The following CCDC149 variants were observed in gnomAD, a reference collection of about 807,000 sequenced individuals.
The protein encoded by CCDC149 is coiled-coil domain containing 149.
CCDC149 carries 45 observed loss-of-function variants against 59.9 expected under a neutral mutation model. The observed-to-expected ratio is 0.75, with a 90% confidence interval of 0.59 to 0.96. The LOEUF is 0.96. CCDC149 is among the 40% of genes least tolerant of loss of function. The probability of loss-of-function intolerance (pLI) is 0.00; values close to 1 mark genes in which losing one functional copy is unlikely to be tolerated. For synonymous variants in CCDC149, 245 were observed against 260.6 expected (o/e 0.94, Z 0.58); for missense variants, 584 against 664.7 (o/e 0.88, Z 1.33).
chr4:24,893,852 C>T (rs142751762), intron 1 of CCDC149, among the ~76,000 whole-genome samples: 3,559 of 151,864 alleles, frequency 0.023, 145 homozygotes, highest in African/African-American at 0.081. Flanking sequence ...GTGATCCGCC[C>T]GCCTCGGCCT....
intron 3 of CCDC149, among the ~76,000 whole-genome samples, chr4:24,866,813 ACACACACACC>A (rs1560225988): frequency 2.3e-5 from 2 of 85,548 alleles, no homozygotes; most frequent in Non-Finnish European, 4.5e-5. Flanking sequence ...AAATATACAC[ACACACACACC>A]CACACACACA....
intron 10 of CCDC149, among the ~76,000 whole-genome samples, chr4:24,821,814 A>G (rs1715419294): frequency 6.6e-6 from 1 of 152,218 alleles, no homozygotes; most frequent in Non-Finnish European, 1.5e-5. Flanking sequence ...GTATTTTACC[A>G]AGACAAGTGG....
chr4:24,868,441 T>C (rs1175426297), intron 3 of CCDC149, among the ~76,000 whole-genome samples: 1 of 152,222 alleles, frequency 6.6e-6, no homozygotes, highest in African/African-American at 2.4e-5. Context: ...CCCCACTTGT[T>C]TACCCATTAA....
At chr4:24,877,101 C>T (rs73250612) in intron 1 of CCDC149, among the ~76,000 whole-genome samples, 11,769 of 151,596 alleles carry the variant, frequency 0.078, 467 homozygotes, top group Middle Eastern at 0.096. Flanking sequence ...AATTATTTAC[C>T]CAGGTTTCAA....
intron 1 of CCDC149, among the ~76,000 whole-genome samples, chr4:24,943,852 AC>A (rs1328924549): frequency 3.9e-5 from 6 of 152,182 alleles, no homozygotes; most frequent in Admixed American, 3.9e-4. Flanking sequence ...GCAAATCAAA[AC>A]CACAATGAGA....
chr4:24,881,655 G>T (rs547023245), intron 1 of CCDC149, among the ~76,000 whole-genome samples: 2 of 152,170 alleles, frequency 1.3e-5, no homozygotes, highest in East Asian at 1.9e-4. Context: ...GGACTGTCTG[G>T]GGGGGAGAAA....
At chr4:24,897,249 C>T (rs1352846045) in intron 1 of CCDC149, among the ~76,000 whole-genome samples, 3 of 152,106 alleles carry the variant, frequency 2.0e-5, no homozygotes, top group Non-Finnish European at 4.4e-5. Flanking sequence ...TGATCAAAGG[C>T]TGGGTGTGTG....
Position 24,823,181 on chromosome 4 carries a change from G to T in CCDC149, c.966-608C>A, listed in dbSNP as rs529918118. The T allele has an allele frequency of 3.3e-5, 5 of 152,212 alleles. No individual in the cohort carries two copies. In the South Asian group the frequency reaches 1.0e-3, roughly 32 times the overall value. 9.4% of individuals were successfully genotyped at this position (152,212 alleles called of 1,614,324 possible). On this transcript the variant is annotated intron_variant, in intron 9 of 12. Coordinates refer to ENST00000635206, the MANE Select transcript of CCDC149 (RefSeq NM_001330643.2). The stretch of plus-strand genomic sequence containing the variant: ...TTTCTTTTTTCATGACTCATAATTA[G>T]CTATGGGAAGAATGAAAAGAGATAT...
intron 1 of CCDC149, among the ~76,000 whole-genome samples, chr4:24,925,127 T>G (rs1244040440): frequency 1.3e-5 from 2 of 152,196 alleles, no homozygotes; most frequent in African/African-American, 4.8e-5. Flanking sequence ...ATTAGTTCTC[T>G]GTCCCTTATG....
intron 1 of CCDC149, among the ~76,000 whole-genome samples, chr4:24,921,652 C>T (rs191157149): frequency 8.8e-4 from 134 of 152,338 alleles, no homozygotes; most frequent in Middle Eastern, 3.4e-3. Context: ...TGCCATCACC[C>T]GCCAGCGCCC....
chr4:24,849,527 G>A (rs761688893), intron 4 of CCDC149, among the ~76,000 whole-genome samples: 1 of 152,130 alleles, frequency 6.6e-6, no homozygotes. Flanking sequence ...GCACAAGAAC[G>A]CTGCCCCCTG....
chr4:24,893,613 C>CTTTTTTTTTTTTCTTTTT (rs1720658223), intron 1 of CCDC149, among the ~76,000 whole-genome samples: 1 of 65,876 alleles, frequency 1.5e-5, no homozygotes, highest in Non-Finnish European at 2.6e-5. Flanking sequence ...AAAATACAGA[C>CTTTTTTTTTTTTCTTTTT]TTTTTTTTTT....
chr4:24,900,726 C>T (rs1490559223), intron 1 of CCDC149, among the ~76,000 whole-genome samples: 2 of 152,168 alleles, frequency 1.3e-5, no homozygotes, highest in East Asian at 1.9e-4. Flanking sequence ...GGCAACAGGA[C>T]GAAGAGCTCA....
chr4:24,809,804 T>C (rs1420565488), intron 12 of CCDC149, among the ~76,000 whole-genome samples: 1 of 152,198 alleles, frequency 6.6e-6, no homozygotes, highest in African/African-American at 2.4e-5. Flanking sequence ...AGCAGAACCC[T>C]GCTGTAGTGG....
chr4:24,834,729 C>T (rs890307293), intron 8 of CCDC149, among the ~76,000 whole-genome samples: 8 of 152,232 alleles, frequency 5.3e-5, no homozygotes, highest in Non-Finnish European at 1.0e-4. Context: ...TCAAGTCGTA[C>T]TCCAGACCTA....
chr4:24,811,834 A>G lies in CCDC149; in HGVS notation c.1193-3015T>C, dbSNP rs139216780. On this transcript the variant is annotated intron_variant, in intron 12 of 12. Transcript: ENST00000635206. ...GTTGCAGTGAGCTGAGATTGTGTCA[A>G]TGCACTCCAGCCTGGGCTACAGAGT... Among the ~76,000 whole-genome samples the G allele has an allele frequency of 6.0e-3, 904 of 151,660 alleles. 14 individuals carry two copies. Among genetic ancestry groups the G allele is most frequent in the African/African-American group, 0.02 (828 of 41,206 alleles).
chr4:24,920,328 G>A (rs1369285277), intron 1 of CCDC149, among the ~76,000 whole-genome samples: 1 of 152,204 alleles, frequency 6.6e-6, no homozygotes, highest in Non-Finnish European at 1.5e-5. Flanking sequence ...CCATTGGCTG[G>A]GAGCTTAGCT....
rs563023694 is a variant in CCDC149, at chr4:24,959,481, G to A, written c.-65+20588C>T. Among the ~76,000 whole-genome samples the A allele has an allele frequency of 3.4e-3, 498 of 148,328 alleles. 1 individual carries two copies. The highest frequency in any genetic ancestry group is 0.012 in the African/African-American group (486 of 39,224). ...TAGTTGGAGTTCCCAAAGGAGAGGA[G>A]GAAGCAGCACAGAAAAAAAAAATTT... is the stretch of plus-strand genomic sequence containing the variant. On this transcript the variant is annotated intron_variant, in intron 1 of 12. Coordinates refer to the CCDC149 transcript ENST00000389609.
At position 24,853,354 on chromosome 4, in the gene CCDC149, C is replaced by G. The variant is rs1256266382; in HGVS notation, c.265-175G>C. On this transcript the variant is annotated intron_variant, in intron 3 of 12. Coordinates refer to ENST00000635206, the MANE Select transcript of CCDC149 (RefSeq NM_001330643.2). ...TGTGAATCACACCACTACAATGGCA[C>G]GCAGGAAAATGAAGTTGGCCATGAA... 12 of 586,856 alleles carry G rather than the reference C, an allele frequency of 2.0e-5. No individual in the cohort carries two copies. In the Admixed American group the frequency reaches 2.4e-4, roughly 12 times the overall value. 36.4% of individuals were successfully genotyped at this position (586,856 alleles called of 1,614,324 possible).
Sources: allele counts gnomAD v4.1 joint callset (sites outside exome capture counted in the v4.1 genomes callset), GRCh38; gene constraint gnomAD v4.1.1; transcripts MANE v1.5; gene names NCBI Gene and HGNC (gene_info 2026-07-23, HGNC 2026-07-21).